SEMA3E: variants seen among roughly 807,000 people sequenced by gnomAD.
SEMA3E encodes the protein semaphorin 3E.
SEMA3E carries 49 observed loss-of-function variants against 93.6 expected under a neutral mutation model. That is an observed-to-expected ratio of 0.52 (90% CI 0.42 to 0.66). The LOEUF (loss-of-function observed/expected upper bound fraction) is 0.66, where lower values mean the gene tolerates loss of function less well. SEMA3E is among the 30% of genes least tolerant of loss of function. The probability of loss-of-function intolerance (pLI) is 0.00; values close to 1 mark genes in which losing one functional copy is unlikely to be tolerated. For missense variants in SEMA3E, 906 were observed against 964.8 expected (o/e 0.94, Z 0.81); for synonymous variants, 363 against 330.7 (o/e 1.10, Z -1.06).
At chr7:83,468,406 A>G (rs1356729802) in intron 3 of SEMA3E, among the ~76,000 whole-genome samples, 1 of 152,174 alleles carries the variant, frequency 6.6e-6, no homozygotes, top group East Asian at 1.9e-4. Flanking sequence ...GCTGAGCTAG[A>G]TTGACATGGC....
rs370202703 is a variant in SEMA3E at position 83,466,828 on chromosome 7, G to A, written c.337-227C>T. ...TGATGTGTAAATTACATTTTATAATGAGACTGCATCATTTTTCATGTATTC... is the reference window on the plus strand; with the variant it reads ...TGATGTGTAAATTACATTTTATAATAAGACTGCATCATTTTTCATGTATTC... On this transcript the variant is annotated intron_variant, in intron 3 of 16. Coordinates refer to ENST00000643230, the MANE Select transcript of SEMA3E (RefSeq NM_012431.3). Among the ~76,000 whole-genome samples the A allele has an allele frequency of 4.6e-4, 70 of 152,178 alleles. No individual in the cohort carries two copies. In the East Asian group the frequency reaches 0.013, roughly 29 times the overall value.
At chr7:83,580,522 G>A (rs562173099) in intron 1 of SEMA3E, among the ~76,000 whole-genome samples, 1 of 151,964 alleles carries the variant, frequency 6.6e-6, no homozygotes, top group East Asian at 1.9e-4. Context: ...TCAGAATTCA[G>A]ACTATGATCT....
intron 1 of SEMA3E, among the ~76,000 whole-genome samples, chr7:83,556,857 C>G (rs898647450): frequency 1.3e-5 from 2 of 152,138 alleles, no homozygotes; most frequent in Admixed American, 6.6e-5. Flanking sequence ...CTGGAGGAGA[C>G]AAGTCAGGCC....
chr7:83,367,736 T>C lies in SEMA3E; in HGVS notation c.2178A>G (p.Glu726=). ...LIGYSNFQRV[E]EYCEKVWCTD... is the part of the protein sequence containing the mutation. ...TGCACCATACTTTCTCGCAGTATTC[T>C]TCCACTCTCTGGAAGTTGCTATAAC... Residue 726 remains glutamate (E), a synonymous_variant, in exon 17 of 17, where the codon GAA becomes GAG. Coordinates refer to ENST00000643230, the MANE Select transcript of SEMA3E (RefSeq NM_012431.3). 6.2e-7 allele frequency: 1 copy of C among 1,614,148 alleles called. No homozygotes were observed. The highest frequency in any genetic ancestry group is 8.5e-7 in the Non-Finnish European group (1 of 1,180,020).
chr7:83,536,971 C>T (rs1249025155), intron 1 of SEMA3E, among the ~76,000 whole-genome samples: 1 of 152,052 alleles, frequency 6.6e-6, no homozygotes, highest in East Asian at 1.9e-4. Flanking sequence ...TAAGGTGGGA[C>T]TTTAATCCAA....
intron 2 of SEMA3E, among the ~76,000 whole-genome samples, chr7:83,478,198 C>T (rs1158234034): frequency 1.3e-5 from 2 of 152,130 alleles, no homozygotes; most frequent in East Asian, 1.9e-4. Flanking sequence ...GGTGGAATTA[C>T]AGGCGTGAGC....
At chr7:83,553,571 C>T (rs886673576) in intron 1 of SEMA3E, among the ~76,000 whole-genome samples, 22 of 152,144 alleles carry the variant, frequency 1.4e-4, no homozygotes, top group East Asian at 5.8e-4. Context: ...TATCTGGCCT[C>T]GGTGAGTAAT....
At chr7:83,488,894 G>C (rs1790322551) in intron 2 of SEMA3E, among the ~76,000 whole-genome samples, 1 of 151,982 alleles carries the variant, frequency 6.6e-6, no homozygotes. Context: ...CGAAAAATTA[G>C]TGAAACTAAT....
Position 83,405,049 on chromosome 7 carries a change from C to T in SEMA3E, c.998+401G>A, listed in dbSNP as rs1427749737. Among the ~76,000 whole-genome samples, 3 of 151,798 alleles carry T rather than the reference C, an allele frequency of 2.0e-5. No homozygotes were observed. In the South Asian group the frequency reaches 6.2e-4, roughly 32 times the overall value. On this transcript the variant is annotated intron_variant, in intron 9 of 16. Coordinates refer to ENST00000643230, the MANE Select transcript of SEMA3E (RefSeq NM_012431.3). The stretch of plus-strand genomic sequence containing the variant: ...CAAGTGAGTAACAGTTGAGATAGAA[C>T]CTTGAAAGCCTGGCTTGGAAAATTC...
chr7:83,496,631 C>T (rs1325670873), intron 1 of SEMA3E, among the ~76,000 whole-genome samples: 2 of 151,826 alleles, frequency 1.3e-5, no homozygotes, highest in Admixed American at 6.6e-5. Flanking sequence ...ATATTTTTTG[C>T]ATATACTGAA....
chr7:83,375,684 G>A (rs750938215), intron 16 of SEMA3E, among the ~76,000 whole-genome samples: 9 of 152,032 alleles, frequency 5.9e-5, no homozygotes, highest in Non-Finnish European at 1.2e-4. Flanking sequence ...GGTTTAATCA[G>A]ATGCACAAAG....
At chr7:83,645,304 C>A (rs934158536) in intron 1 of SEMA3E, among the ~76,000 whole-genome samples, 4 of 151,940 alleles carry the variant, frequency 2.6e-5, no homozygotes, top group African/African-American at 9.7e-5. Context: ...ATTAATCTCA[C>A]CAATATTACC....
chr7:83,498,510 C>T (rs921986678), intron 1 of SEMA3E, among the ~76,000 whole-genome samples: 2 of 151,174 alleles, frequency 1.3e-5, no homozygotes, highest in African/African-American at 4.9e-5. Flanking sequence ...AACAGAGTCA[C>T]TCTGTTGCCC....
intron 4 of SEMA3E, among the ~76,000 whole-genome samples, chr7:83,434,735 A>G (rs1427628565): frequency 1.6e-5 from 2 of 122,262 alleles, no homozygotes; most frequent in Non-Finnish European, 3.2e-5. Context: ...TTTTTTTGAG[A>G]CGGAGTCTCG....
At chr7:83,400,609 A>T (rs912573663) in intron 10 of SEMA3E, among the ~76,000 whole-genome samples, 7 of 152,006 alleles carry the variant, frequency 4.6e-5, no homozygotes, top group Non-Finnish European at 7.4e-5. Context: ...GAGTAACCAT[A>T]TATTTTTTGT....
chr7:83,431,232 A>G (rs201292910), intron 4 of SEMA3E, among the ~76,000 whole-genome samples: 1 of 26,544 alleles, frequency 3.8e-5, no homozygotes, highest in African/African-American at 5.5e-5. Flanking sequence ...TTGGTAGATA[A>G]ATAATTTCAA....
chr7:83,596,498 A>G (rs1792874479), intron 1 of SEMA3E, among the ~76,000 whole-genome samples: 1 of 152,172 alleles, frequency 6.6e-6, no homozygotes, highest in African/African-American at 2.4e-5. Flanking sequence ...GTTTAACTAT[A>G]TAATAAATAT....
At chr7:83,384,292 T>C (rs1787837479) in intron 16 of SEMA3E, among the ~76,000 whole-genome samples, 1 of 152,064 alleles carries the variant, frequency 6.6e-6, no homozygotes. Context: ...TGACAAATGT[T>C]TAGTCTGCAG....
intron 1 of SEMA3E, among the ~76,000 whole-genome samples, chr7:83,599,357 A>G (rs1212165639): frequency 6.6e-6 from 1 of 152,190 alleles, no homozygotes; most frequent in Non-Finnish European, 1.5e-5. Context: ...CAAAAGTACA[A>G]AACTTCCTAT....
Sources: allele counts gnomAD v4.1 joint callset (sites outside exome capture counted in the v4.1 genomes callset), GRCh38; gene constraint gnomAD v4.1.1; transcripts MANE v1.5; gene names NCBI Gene and HGNC (gene_info 2026-07-23, HGNC 2026-07-21).